The following HTR7 variants were observed in gnomAD, a reference collection of about 807,000 sequenced individuals.
The protein encoded by HTR7 is 5-HT-7.
In HTR7, 16 loss-of-function variants were observed where a neutral mutation model predicts 34.0. The observed-to-expected ratio is 0.47, with a 90% CI of 0.32 to 0.71. HTR7 has a LOEUF of 0.71. HTR7 is among the 30% of genes least tolerant of loss of function. The pLI, the probability that HTR7 is intolerant of heterozygous loss-of-function variation, is 0.04. For missense variants in HTR7, 504 were observed against 625.5 expected (o/e 0.81, Z 2.07); for synonymous variants, 265 against 260.2 (o/e 1.02, Z -0.18).
intron 1 of HTR7, among the ~76,000 whole-genome samples, chr10:90,805,466 T>C (rs546331097): frequency 6.6e-6 from 1 of 152,354 alleles, no homozygotes; most frequent in East Asian, 1.9e-4. Flanking sequence ...GAAGTTTAAC[T>C]ACAGGGAAGA....
intron 1 of HTR7, among the ~76,000 whole-genome samples, chr10:90,799,024 AACATC>A (rs1222837520): frequency 6.6e-6 from 1 of 152,226 alleles, no homozygotes; most frequent in African/African-American, 2.4e-5. Flanking sequence ...TCCTGGGGAT[AACATC>A]ACTATTGTAA....
chr10:90,742,661 G>C, intron 3 of HTR7, 133 bp from the exon 4 acceptor site: 1 of 592,062 alleles, frequency 1.7e-6, no homozygotes, highest in Admixed American at 3.0e-5. Context: ...AAGGGATTAT[G>C]AGTATCCTTC....
Position 90,849,288 on chromosome 10 carries a change from A to G in HTR7, c.539+7845T>C, listed in dbSNP as rs747651069. 7.6e-4 allele frequency among the ~76,000 whole-genome samples: 116 copies of G among 152,210 alleles called. 4 individuals carry two copies. The highest frequency in any genetic ancestry group is 2.2e-4 in the Non-Finnish European group (15 of 68,036). On this transcript the variant is annotated intron_variant, in intron 1 of 3. Coordinates refer to ENST00000336152, the MANE Select transcript of HTR7 (RefSeq NM_019859.4). ...CAATTTATAATCCCACTAGTAATGT[A>G]TGTAAATTCCCTTTGCTCCATATCC...
At chr10:90,747,733 G>C (rs1480842193) in intron 2 of HTR7, among the ~76,000 whole-genome samples, 2 of 152,148 alleles carry the variant, frequency 1.3e-5, no homozygotes, top group Admixed American at 1.3e-4. Context: ...AGTGGTCCCT[G>C]GTTCTCTAGT....
chr10:90,808,058 G>C (rs1845731385), intron 1 of HTR7, among the ~76,000 whole-genome samples: 1 of 152,186 alleles, frequency 6.6e-6, no homozygotes, highest in Non-Finnish European at 1.5e-5. Context: ...GCCGGTCACA[G>C]ACTGGGAAGG....
At position 90,788,907 on chromosome 10, in the gene HTR7, A is replaced by G. The variant is rs533462759; in HGVS notation, c.540-39313T>C. Reference sequence around the variant, plus strand: ...ACTTCTAGTCCCCACTTCATAGCCTAGCAAACTCCTATTTATCCCTTAAGA... The same window carrying G: ...ACTTCTAGTCCCCACTTCATAGCCTGGCAAACTCCTATTTATCCCTTAAGA... On this transcript the variant is annotated intron_variant, in intron 1 of 3. Transcript: ENST00000336152. Among the ~76,000 whole-genome samples, 3 of 152,288 alleles carry G rather than the reference A, an allele frequency of 2.0e-5. No individual in the cohort carries two copies. The South Asian group carries it at 6.2e-4, about 32-fold the overall frequency.
chr10:90,857,654 G>T lies in HTR7; in HGVS notation c.18C>A (p.Ser6Arg). The T allele has an allele frequency of 1.3e-6, 2 of 1,587,340 alleles. No homozygotes were observed. The highest frequency in any genetic ancestry group is 1.1e-5 in the South Asian group (1 of 88,234). The change falls in exon 1 of 4, where the codon AGC becomes AGA. Residue 6 changes from serine to arginine, a missense_variant. By Grantham distance (110) the Ser-to-Arg change is moderately radical (BLOSUM62 -1). Around this residue, in one of 4 missense-constraint regions of HTR7, gnomAD observed 139 missense variants for 117.1 expected, o/e 1.19. Transcript: ENST00000336152. This position sits in a 1 kb window ranked among gnomAD's most constrained non-coding sequence, Gnocchi z 6.5. Reference protein sequence around the residue: MMDVNSSGRPDLYGHL... With the variant: MMDVNRSGRPDLYGHL... The stretch of plus-strand genomic sequence containing the variant: ...GCCCGTAGAGGTCCGGGCGGCCGCT[G>T]CTGTTAACGTCCATCATCGCGCCGC...
chr10:90,787,054 CCT>C (rs1230934654), intron 1 of HTR7, among the ~76,000 whole-genome samples: 1 of 152,192 alleles, frequency 6.6e-6, no homozygotes, highest in Non-Finnish European at 1.5e-5. Context: ...CTTCTGAGCT[CCT>C]GTTAGACCCT....
At chr10:90,785,207 T>A (rs1239899670) in intron 1 of HTR7, among the ~76,000 whole-genome samples, 1 of 152,204 alleles carries the variant, frequency 6.6e-6, no homozygotes, top group Admixed American at 6.5e-5. Context: ...GTACAATGGT[T>A]GATATGACAT....
chr10:90,794,712 A>G (rs934218891), intron 1 of HTR7, among the ~76,000 whole-genome samples: 10 of 152,092 alleles, frequency 6.6e-5, no homozygotes, highest in African/African-American at 2.2e-4. Flanking sequence ...TGTGTTGCCT[A>G]AGCTGATCTC....
intron 1 of HTR7, among the ~76,000 whole-genome samples, chr10:90,759,351 T>C (rs1051560656): frequency 2.6e-5 from 4 of 151,362 alleles, no homozygotes; most frequent in Non-Finnish European, 4.4e-5. Flanking sequence ...TGAATCAAAA[T>C]GAAGAATTTA....
intron 2 of HTR7, 40 bp from the exon 3 acceptor site, chr10:90,743,730 T>C: frequency 6.9e-7 from 1 of 1,456,322 alleles, no homozygotes; most frequent in Non-Finnish European, 9.6e-7. Context: ...CATAAGTAAA[T>C]CAAATTTTAA....
intron 3 of HTR7, 139 bp downstream of exon 3, chr10:90,743,454 C>A (rs1388101932): frequency 2.9e-6 from 2 of 698,760 alleles, no homozygotes; most frequent in Non-Finnish European, 5.0e-6. Flanking sequence ...ACATTCCTAG[C>A]CCAGGGCCAC....
intron 1 of HTR7, among the ~76,000 whole-genome samples, chr10:90,852,090 G>A (rs1846509377): frequency 1.3e-5 from 2 of 151,892 alleles, no homozygotes; most frequent in Non-Finnish European, 2.9e-5. Flanking sequence ...CGGGCATGAT[G>A]GCTTATATCT....
intron 1 of HTR7, among the ~76,000 whole-genome samples, chr10:90,838,366 G>C (rs79217455): frequency 0.062 from 9,454 of 152,064 alleles, 362 homozygotes; most frequent in African/African-American, 0.1. Context: ...ACACCTCCAA[G>C]ACAGATCCGG....
intron 1 of HTR7, among the ~76,000 whole-genome samples, chr10:90,751,602 T>A (rs1193730495): frequency 3.3e-5 from 5 of 152,120 alleles, no homozygotes; most frequent in Admixed American, 2.6e-4. Flanking sequence ...CCAGATGGCA[T>A]TGTCAGATCA....
intron 1 of HTR7, among the ~76,000 whole-genome samples, chr10:90,786,734 T>C (rs1217187205): frequency 1.3e-5 from 2 of 152,194 alleles, no homozygotes; most frequent in Admixed American, 6.5e-5. Flanking sequence ...GCTCTTCCTA[T>C]TCCTTGTCTT....
At chr10:90,760,428 T>C (rs566489674) in intron 1 of HTR7, among the ~76,000 whole-genome samples, 1 of 152,312 alleles carries the variant, frequency 6.6e-6, no homozygotes, top group South Asian at 2.1e-4. Context: ...TAGTGTTCTA[T>C]AGCATTGTAG....
intron 1 of HTR7, among the ~76,000 whole-genome samples, chr10:90,853,100 A>AT (rs1846524189): frequency 6.6e-6 from 1 of 152,056 alleles, no homozygotes; most frequent in South Asian, 2.1e-4. Flanking sequence ...TAGGTGATAT[A>AT]TATACTACTG....
Sources: allele counts gnomAD v4.1 joint callset (sites outside exome capture counted in the v4.1 genomes callset), GRCh38; gene constraint gnomAD v4.1.1; regional missense constraint gnomAD v4.1.1; non-coding constraint Gnocchi (gnomAD v3.1); transcripts MANE v1.5; gene names NCBI Gene and HGNC (gene_info 2026-07-23, HGNC 2026-07-21).